The following PLXNA4 variants were observed in gnomAD, a reference collection of about 807,000 sequenced individuals.
The protein encoded by PLXNA4 is plexin A4.
PLXNA4 carries 44 observed loss-of-function variants against 191.8 expected under a neutral mutation model. The ratio of observed to expected loss-of-function variants is 0.23; its 90% CI spans 0.18 to 0.29. PLXNA4 has a LOEUF of 0.29. PLXNA4 is among the 10% of genes least tolerant of loss of function. PLXNA4 has a pLI of 1.00. For synonymous variants in PLXNA4, 1,082 were observed against 1,009.5 expected (o/e 1.07, Z -1.36); for missense variants, 1,800 against 2,488.8 (o/e 0.72, Z 5.89).
chr7:132,285,829 C>T (rs1006791201), intron 4 of PLXNA4, among the ~76,000 whole-genome samples: 3 of 152,174 alleles, frequency 2.0e-5, no homozygotes, highest in African/African-American at 4.8e-5. Flanking sequence ...CATTAGGATA[C>T]CATCCCTAGG....
chr7:132,507,761 C>A lies in PLXNA4; in HGVS notation c.933G>T (p.Gln311His). 9.9e-6 allele frequency: 16 copies of A among 1,614,138 alleles called. No individual in the cohort carries two copies. Among genetic ancestry groups the A allele is most frequent in the Non-Finnish European group, 1.4e-5 (16 of 1,180,044 alleles). ...ERSGVEYRLL[Q>H]AAYLSKAGAV... is the part of the protein sequence containing the mutation. Reference sequence around the variant, plus strand: ...CCCCCGCTTTGGACAGGTAGGCAGCCTGCAGCAGGCGGTACTCCACCCCAC... The same window carrying A: ...CCCCCGCTTTGGACAGGTAGGCAGCATGCAGCAGGCGGTACTCCACCCCAC... Residue 311 changes from glutamine (Q) to histidine (H), a missense_variant, in exon 2 of 32, where the codon CAG (glutamine) becomes CAT (histidine). Physicochemically the swap from Gln to His is conservative, Grantham distance 24. Around this residue, in one of 6 missense-constraint regions of PLXNA4, gnomAD observed 1,397 missense variants for 1,880.4 expected, o/e 0.74. Coordinates refer to ENST00000321063, the MANE Select transcript of PLXNA4 (RefSeq NM_020911.2).
chr7:132,559,561 C>T (rs1029484445), intron 1 of PLXNA4, among the ~76,000 whole-genome samples: 2 of 152,226 alleles, frequency 1.3e-5, no homozygotes, highest in African/African-American at 4.8e-5. Context: ...ATCCCCAAGT[C>T]TCACTACCTT....
chr7:132,238,420 A>G (rs1798773791), intron 5 of PLXNA4, among the ~76,000 whole-genome samples: 1 of 152,168 alleles, frequency 6.6e-6, no homozygotes, highest in Admixed American at 6.5e-5. Context: ...AAAGCCCCAC[A>G]ACAAGTTTCC....
intron 1 of PLXNA4, among the ~76,000 whole-genome samples, chr7:132,524,630 C>G (rs1355013238): frequency 6.6e-6 from 1 of 152,156 alleles, no homozygotes; most frequent in Non-Finnish European, 1.5e-5. Flanking sequence ...GGCTGGAGTG[C>G]AGTGGCATGA....
At chr7:132,604,311 C>A (rs1462042625) in intron 2 of PLXNA4, among the ~76,000 whole-genome samples, 4 of 152,104 alleles carry the variant, frequency 2.6e-5, no homozygotes, top group African/African-American at 7.2e-5. Flanking sequence ...CAGCCTGGAA[C>A]AATGGGAGGA....
chr7:132,604,921 C>A (rs1037248587), intron 2 of PLXNA4, among the ~76,000 whole-genome samples: 5 of 152,208 alleles, frequency 3.3e-5, no homozygotes, highest in African/African-American at 1.2e-4. Context: ...CTGCACTTCC[C>A]TCTTGTCCCA....
At chr7:132,494,377 T>G (rs1797921004) in intron 2 of PLXNA4, among the ~76,000 whole-genome samples, 1 of 152,198 alleles carries the variant, frequency 6.6e-6, no homozygotes, top group Non-Finnish European at 1.5e-5. Flanking sequence ...CTCAGACATC[T>G]TCATCTTCAC....
At chr7:132,322,386 C>T (rs11974626) in intron 3 of PLXNA4, among the ~76,000 whole-genome samples, 12,975 of 151,980 alleles carry the variant, frequency 0.085, 1,232 homozygotes, top group African/African-American at 0.24. Flanking sequence ...TTTCACCATG[C>T]TAGCCAGGCT....
chr7:132,255,242 G>C (rs1799394106), intron 4 of PLXNA4, among the ~76,000 whole-genome samples: 1 of 152,188 alleles, frequency 6.6e-6, no homozygotes, highest in Non-Finnish European at 1.5e-5. Flanking sequence ...CCTGGGACCT[G>C]CTGCTGCTGG....
intron 3 of PLXNA4, among the ~76,000 whole-genome samples, chr7:132,478,329 C>T (rs1282361506): frequency 6.6e-6 from 1 of 152,164 alleles, no homozygotes; most frequent in Admixed American, 6.5e-5. Flanking sequence ...GGTATGCTAA[C>T]CTGATGCATT....
In PLXNA4 at chr7:132,484,930, A is replaced by G. The variant is rs1340984010; in HGVS notation, c.1371+4362T>C. 1.2e-6 allele frequency: 2 copies of G among 1,614,182 alleles called. No individual in the cohort carries two copies. Among genetic ancestry groups the G allele is most frequent in the Non-Finnish European group, 1.7e-6 (2 of 1,180,022 alleles). On this transcript the variant is annotated intron_variant, in intron 3 of 31. Transcript: ENST00000321063. ...GATACACACACAGCATCTGTTCCTG[A>G]GAAGCAATGTTCGCCCCAGGTGGGT...
At chr7:132,562,559 TTCCTCCTTTCTCC>T (rs1649731562) in intron 1 of PLXNA4, among the ~76,000 whole-genome samples, 1 of 60,490 alleles carries the variant, frequency 1.7e-5, no homozygotes. Context: ...CCTCCTTCTC[TTCCTCCTTTCTCC>T]TCCTCCTTGT....
chr7:132,325,901 A>G (rs551096551), intron 3 of PLXNA4, among the ~76,000 whole-genome samples: 1 of 152,298 alleles, frequency 6.6e-6, no homozygotes, highest in South Asian at 2.1e-4. Context: ...ATTCCAACAC[A>G]GCTGAAAGCC....
chr7:132,563,929 T>G (rs1327534968), intron 1 of PLXNA4, among the ~76,000 whole-genome samples: 1 of 112,746 alleles, frequency 8.9e-6, no homozygotes, highest in Non-Finnish European at 1.8e-5. Context: ...CTCCTCCTTT[T>G]CCTCGTCCTC....
At chr7:132,529,599 T>C (rs1369618563) in intron 1 of PLXNA4, among the ~76,000 whole-genome samples, 2 of 146,966 alleles carry the variant, frequency 1.4e-5, no homozygotes, top group Non-Finnish European at 3.0e-5. Flanking sequence ...GCTTCCCAAA[T>C]AGGTATTCTT....
chr7:132,612,615 G>T (rs1803073183), intron 2 of PLXNA4, among the ~76,000 whole-genome samples: 1 of 137,798 alleles, frequency 7.3e-6, no homozygotes, highest in Non-Finnish European at 1.5e-5. Context: ...AGTGAGAGGA[G>T]ATTGCACCAC....
chr7:132,453,906 C>A (rs191787816), intron 3 of PLXNA4, among the ~76,000 whole-genome samples: 1 of 152,314 alleles, frequency 6.6e-6, no homozygotes, highest in Admixed American at 6.5e-5. Context: ...CTATAATAAT[C>A]ATTTCTCTCC....
At chr7:132,419,144 A>G (rs1187769676) in intron 3 of PLXNA4, among the ~76,000 whole-genome samples, 1 of 152,194 alleles carries the variant, frequency 6.6e-6, no homozygotes, top group Non-Finnish European at 1.5e-5. Flanking sequence ...ATTCATTCCC[A>G]GAGGGAAAAT....
intron 1 of PLXNA4, among the ~76,000 whole-genome samples, chr7:132,524,028 T>A (rs10260954): frequency 0.39 from 58,772 of 151,980 alleles, 11,474 homozygotes; most frequent in East Asian, 0.49. Context: ...AGGCATCTCA[T>A]GTAAATGCTC....
Sources: gnomAD v4.1 joint callset for allele counts (sites outside exome capture counted in the v4.1 genomes callset) on GRCh38, gnomAD v4.1.1 for gene constraint, gnomAD v4.1.1 regional missense constraint, MANE v1.5 for transcripts, NCBI Gene and HGNC (gene_info 2026-07-23, HGNC 2026-07-21) for gene names.